ING5: variants seen among roughly 807,000 people sequenced by gnomAD.
The protein encoded by ING5 is inhibitor of growth protein 5.
A neutral mutation model predicts 37.4 loss-of-function variants in ING5; 17 were observed. The observed-to-expected ratio is 0.45, with a 90% CI of 0.31 to 0.68. The LOEUF (loss-of-function observed/expected upper bound fraction) is 0.68, where lower values mean the gene tolerates loss of function less well. Among genes scored for constraint, ING5 ranks in the 30% least tolerant of loss-of-function variants. The probability of loss-of-function intolerance (pLI) is 0.05; values close to 1 mark genes in which losing one functional copy is unlikely to be tolerated. For synonymous variants in ING5, 123 were observed against 116.6 expected (o/e 1.06, Z -0.36); for missense variants, 233 against 311.9 (o/e 0.75, Z 1.91).
At chr2:241,722,086 G>A in intron 5 of ING5, 1 of 985,398 alleles carries the variant, frequency 1.0e-6, no homozygotes, top group African/African-American at 1.7e-5. Context: ...TTGGGGCAGA[G>A]GTGCCTGAGT....
chr2:241,716,525 C>G (rs2070276219), intron 5 of ING5, among the ~76,000 whole-genome samples: 4 of 151,038 alleles, frequency 2.6e-5, no homozygotes, highest in South Asian at 4.2e-4. Context: ...GAACCCCTGA[C>G]CCCAAGTGAT....
At position 241,725,354 on chromosome 2, in the gene ING5, T is replaced by C; in HGVS notation, c.*323T>C. The C allele has an allele frequency of 2.8e-6, 1 of 351,886 alleles. No individual in the cohort carries two copies. The highest frequency in any genetic ancestry group is 5.3e-6 in the Non-Finnish European group (1 of 187,710). The allele number at this position is 351,886 out of a possible 1,614,324, so 21.8% of individuals were successfully genotyped here. ...GCGTGCGGGCGGGGACATGGTAACC[T>C]GGTCCACGGAGGGCGGCCGCCACCC... On this transcript the variant is annotated 3_prime_UTR_variant, in exon 8 of 8. Transcript: ENST00000313552.
At chr2:241,700,853 T>C, upstream of ING5, among the ~76,000 whole-genome samples, 1 of 151,656 alleles carries the variant, frequency 6.6e-6, no homozygotes, top group East Asian at 2.0e-4. Flanking sequence ...CTCAAATTCC[T>C]GCCCTCAAGT....
chr2:241,689,671 C>T (rs1450918630), intron 1 of ING5, among the ~76,000 whole-genome samples: 2 of 152,210 alleles, frequency 1.3e-5, no homozygotes. Flanking sequence ...ATCGTGATTT[C>T]GAGTCACTGA....
intron 5 of ING5, chr2:241,719,439 A>G: frequency 2.2e-6 from 2 of 928,568 alleles, no homozygotes; most frequent in Non-Finnish European, 1.7e-6. Context: ...ATCTTTGAGA[A>G]TGTGGTTTTT....
Position 241,709,308 on chromosome 2 carries a change from A to G in ING5, c.202A>G (p.Ile68Val). ...PDQRVERLQKIQNAYSKCKEY... is the reference protein window; with the variant it reads ...PDQRVERLQKVQNAYSKCKEY... Reference sequence around the variant, plus strand: ...CCAGCGCGTGGAGCGCCTGCAGAAGATCCAGAACGCCTACAGCAAGTGCAA... The same window carrying G: ...CCAGCGCGTGGAGCGCCTGCAGAAGGTCCAGAACGCCTACAGCAAGTGCAA... The change falls in exon 3 of 8, where the codon ATC becomes GTC. Residue 68 changes from isoleucine to valine, a missense_variant. Around this residue, in one of 4 missense-constraint regions of ING5, gnomAD observed 93 missense variants for 99.7 expected, o/e 0.93. Transcript: ENST00000313552. 6.2e-7 allele frequency: 1 copy of G among 1,614,120 alleles called. No homozygotes were observed. Among genetic ancestry groups the G allele is most frequent in the Non-Finnish European group, 8.5e-7 (1 of 1,180,018 alleles).
intron 5 of ING5, among the ~76,000 whole-genome samples, chr2:241,716,456 C>G (rs2070272641): frequency 6.6e-6 from 1 of 151,038 alleles, no homozygotes; most frequent in South Asian, 2.1e-4. Context: ...CCACACCCGG[C>G]TAATGTTTTT....
chr2:241,705,676 G>T (rs546781837), intron 2 of ING5, among the ~76,000 whole-genome samples: 15 of 152,172 alleles, frequency 9.9e-5, no homozygotes. Context: ...AAAGTGCTGG[G>T]ATTACAGGCA....
At chr2:241,718,326 TCCC>T (rs2070331350) in intron 5 of ING5, among the ~76,000 whole-genome samples, 1 of 23,450 alleles carries the variant, frequency 4.3e-5, no homozygotes, top group Non-Finnish European at 7.5e-5. Context: ...CCTCCCTTCC[TCCC>T]TCCCTCCCTC....
chr2:241,719,510 T>G, intron 5 of ING5: 2 of 1,525,978 alleles, frequency 1.3e-6, no homozygotes, highest in Non-Finnish European at 1.8e-6. Context: ...GTCTTCCTGC[T>G]CCTTCCTGCT....
At chr2:241,710,552 T>G (rs947571310) in intron 3 of ING5, among the ~76,000 whole-genome samples, 7 of 152,044 alleles carry the variant, frequency 4.6e-5, no homozygotes, top group Non-Finnish European at 8.8e-5. Context: ...TGCCACGATC[T>G]TGGCTCACTG....
At chr2:241,720,315 G>T (rs1309251976) in intron 5 of ING5, 26 of 1,220,964 alleles carry the variant, frequency 2.1e-5, no homozygotes, top group Non-Finnish European at 2.6e-5. Flanking sequence ...GTGCCAGGCC[G>T]CTCTGCCTCA....
rs773481150 is a variant in ING5, at chr2:241,723,197, C to T, written c.619-13C>T. On this transcript the variant is annotated splice_polypyrimidine_tract_variant and intron_variant, in intron 6 of 7. Transcript: ENST00000313552. ...GAGGCGTGTTGACTGCGGTTTCTCC[C>T]TTTACTTTGCAGTGTCCAATTGAGT... The T allele has an allele frequency of 2.5e-6, 4 of 1,614,216 alleles. No homozygotes were observed. The highest frequency in any genetic ancestry group is 3.4e-6 in the Non-Finnish European group (4 of 1,180,008).
chr2:241,711,514 A>G (rs755353809), intron 4 of ING5, 26 bp downstream of exon 4: 1 of 1,473,526 alleles, frequency 6.8e-7, no homozygotes, highest in Non-Finnish European at 9.3e-7. Flanking sequence ...TTTTTTCTTT[A>G]TTTTATTACT....
In ING5 at chr2:241,687,152, C is replaced by T. The variant is rs974186656; in HGVS notation, c.-1684C>T. On this transcript the variant is annotated 5_prime_UTR_variant, in exon 1 of 8. Coordinates refer to the ING5 transcript ENST00000636051. ...CGAGGGGAGCGCAGGGTCGGAGGGG[C>T]TCCCGGACGCTGCCCGCCCAGCGTC... 8 of 390,972 alleles carry T rather than the reference C, an allele frequency of 2.0e-5. No individual in the cohort carries two copies. The Admixed American group carries it at 2.7e-4, about 13-fold the overall frequency. The allele number at this position is 390,972 out of a possible 1,614,324, so 24.2% of individuals were successfully genotyped here. A position where few individuals can be genotyped will look rare whatever the true frequency, so the allele number is the denominator to read the frequency against.
exon 2 of ING5, chr2:241,689,883 A>G (rs575718256): frequency 1.4e-4 from 21 of 151,122 alleles, no homozygotes; most frequent in African/African-American, 5.1e-4. Flanking sequence ...CCAGAGGATG[A>G]AGGGGATTGT....
chr2:241,722,584 T>C (rs2070459235), intron 5 of ING5: 3 of 985,448 alleles, frequency 3.0e-6, no homozygotes, highest in South Asian at 4.7e-5. Context: ...TTCGTATACT[T>C]AATGATTTTC....
chr2:241,690,510 GGCGTGGGCATAGGAGGGTCT>G, exon 2 of ING5: 2 of 397,592 alleles, frequency 5.0e-6, no homozygotes, highest in Non-Finnish European at 8.9e-6. Flanking sequence ...CCTCAGCCCT[GGCGTGGGCATAGGAGGGTCT>G]GCGTGGCTGA....
At chr2:241,720,939 C>G (rs1163631738) in intron 5 of ING5, 25 of 985,520 alleles carry the variant, frequency 2.5e-5, no homozygotes, top group Non-Finnish European at 2.9e-5. Flanking sequence ...TCTGGGGTGC[C>G]CTTGCTGGGC....
Sources: allele counts gnomAD v4.1 joint callset (sites outside exome capture counted in the v4.1 genomes callset), GRCh38; gene constraint gnomAD v4.1.1; regional missense constraint gnomAD v4.1.1; transcripts MANE v1.5; gene names NCBI Gene and HGNC (gene_info 2026-07-23, HGNC 2026-07-21).